Variants in VSTM4 observed in about 807,000 individuals in gnomAD.
The protein encoded by VSTM4 is V-set and transmembrane domain-containing protein 4.
Under a neutral mutation model 36.4 loss-of-function variants are expected in VSTM4, and 20 were observed. That is an observed-to-expected ratio of 0.55 (90% CI 0.39 to 0.80). The LOEUF (loss-of-function observed/expected upper bound fraction) is 0.80, where lower values mean the gene tolerates loss of function less well. Among genes scored for constraint, VSTM4 ranks in the 30% least tolerant of loss-of-function variants. VSTM4 has a pLI of 0.00. For synonymous variants in VSTM4, 182 were observed against 173.9 expected, an observed-to-expected ratio of 1.05 and a Z score of -0.37; for missense variants, 392 against 404.5, an observed-to-expected ratio of 0.97 and a Z score of 0.26.
intron 7 of VSTM4, among the ~76,000 whole-genome samples, chr10:49,045,572 G>A (rs1213974358): frequency 6.6e-6 from 1 of 152,164 alleles, no homozygotes; most frequent in Non-Finnish European, 1.5e-5. Flanking sequence ...ACTGTGGTGG[G>A]TTTAACATAT....
intron 2 of VSTM4, among the ~76,000 whole-genome samples, chr10:49,086,247 G>A (rs950993297): frequency 6.6e-6 from 1 of 152,226 alleles, no homozygotes; most frequent in African/African-American, 2.4e-5. Context: ...TAAATGGCAA[G>A]CTCAGGATGC....
intron 7 of VSTM4, among the ~76,000 whole-genome samples, chr10:49,038,728 T>C (rs1173938447): frequency 1.3e-5 from 2 of 152,062 alleles, no homozygotes; most frequent in Non-Finnish European, 2.9e-5. Flanking sequence ...GGATTTGAGG[T>C]GCCTGTGGGC....
rs572173027 is a variant in VSTM4 at position 49,025,222 on chromosome 10, T to C, written c.838-5447A>G. ...CCCTGACTATGTGACTGTGGTGTTT[T>C]GTTATGGCAGCCCTAGCAAATGAAT... is the stretch of plus-strand genomic sequence containing the variant. On this transcript the variant is annotated intron_variant, in intron 7 of 7. Coordinates refer to ENST00000332853, the MANE Select transcript of VSTM4 (RefSeq NM_001031746.5). 1.6e-4 allele frequency among the ~76,000 whole-genome samples: 25 copies of C among 152,272 alleles called. 1 individual carries two copies. The East Asian group carries it at 4.8e-3, about 29-fold the overall frequency.
At chr10:49,091,528 GA>G (rs748512743) in intron 2 of VSTM4, among the ~76,000 whole-genome samples, 35 of 152,200 alleles carry the variant, frequency 2.3e-4, no homozygotes, top group Non-Finnish European at 4.6e-4. Context: ...GACCTGGGGG[GA>G]AACCATCACT....
chr10:49,113,256 A>G (rs1217318712), intron 1 of VSTM4, among the ~76,000 whole-genome samples: 1 of 152,262 alleles, frequency 6.6e-6, no homozygotes, highest in Non-Finnish European at 1.5e-5. Context: ...TAGTTATATT[A>G]CTTAACAGTC....
At chr10:49,052,610 A>G (rs753871896) in intron 5 of VSTM4, among the ~76,000 whole-genome samples, 1 of 151,900 alleles carries the variant, frequency 6.6e-6, no homozygotes, top group Non-Finnish European at 1.5e-5. Context: ...CAGTTTTTTA[A>G]TTTGTTTTTG....
intron 6 of VSTM4, 147 bp from the exon 7 acceptor site, chr10:49,047,191 T>G: frequency 1.2e-6 from 1 of 824,770 alleles, no homozygotes; most frequent in Non-Finnish European, 2.0e-6. Context: ...TGTCAGCAAG[T>G]GCCCCTCGGC....
At chr10:49,021,661 G>C (rs925190984) in intron 7 of VSTM4, among the ~76,000 whole-genome samples, 1 of 151,718 alleles carries the variant, frequency 6.6e-6, no homozygotes, top group African/African-American at 2.4e-5. Context: ...GTCACACTTA[G>C]ACATCATTTA....
chr10:49,098,931 C>T (rs1327206754), intron 2 of VSTM4, among the ~76,000 whole-genome samples: 2 of 152,216 alleles, frequency 1.3e-5, no homozygotes, highest in East Asian at 3.8e-4. Flanking sequence ...ATTTACCTAG[C>T]GCTGATGGAC....
intron 5 of VSTM4, among the ~76,000 whole-genome samples, chr10:49,054,070 T>C (rs777984271): frequency 2.0e-5 from 3 of 152,170 alleles, no homozygotes; most frequent in Non-Finnish European, 4.4e-5. Flanking sequence ...CCCTCCTTGT[T>C]GCAAAAATGG....
rs370616319 is a variant in VSTM4 at position 49,107,909 on chromosome 10, C to T, written c.142G>A (p.Val48Ile). The T allele has an allele frequency of 1.2e-5, 19 of 1,613,828 alleles. No individual in the cohort carries two copies. In the Admixed American group the frequency reaches 1.5e-4, roughly 13 times the overall value. ...EGENATLLCH[V>I]SQKRRKDSLL... Reference sequence around the variant, plus strand: ...CTGTCCTTCCGCCTTTTCTGGGAGACGTGGCAGAGGAGAGTGGCATTCTCC... The same window carrying T: ...CTGTCCTTCCGCCTTTTCTGGGAGATGTGGCAGAGGAGAGTGGCATTCTCC... Residue 48 changes from valine to isoleucine, a missense_variant, in exon 2 of 8, where the codon GTC becomes ATC. By Grantham distance (29) the Val-to-Ile change is conservative. Transcript: ENST00000332853.
At chr10:49,021,850 T>C (rs1843186241) in intron 7 of VSTM4, among the ~76,000 whole-genome samples, 1 of 152,176 alleles carries the variant, frequency 6.6e-6, no homozygotes. Context: ...TCTTTAAGAA[T>C]GAGGGAGGAG....
At chr10:49,067,722 G>C (rs1195147760) in intron 4 of VSTM4, among the ~76,000 whole-genome samples, 1 of 152,170 alleles carries the variant, frequency 6.6e-6, no homozygotes, top group East Asian at 1.9e-4. Flanking sequence ...TGTTGTTAAA[G>C]CCATGCAGTA....
rs954173386 is a variant in VSTM4 at position 49,106,289 on chromosome 10, C to T, written c.457+1305G>A. On this transcript the variant is annotated intron_variant, in intron 2 of 7. Coordinates refer to ENST00000332853, the MANE Select transcript of VSTM4 (RefSeq NM_001031746.5). ...TATATGTGTACAATAAAATTAGACC[C>T]TTTTTTGTATTTGAGACTATCAGCT... is the stretch of plus-strand genomic sequence containing the variant. Among the ~76,000 whole-genome samples, 26 of 152,156 alleles carry T rather than the reference C, an allele frequency of 1.7e-4. 1 individual carries two copies. Among genetic ancestry groups the T allele is most frequent in the Admixed American group, 1.7e-3 (26 of 15,278 alleles).
chr10:49,060,584 T>C (rs994874208), intron 5 of VSTM4, among the ~76,000 whole-genome samples: 2 of 152,242 alleles, frequency 1.3e-5, no homozygotes, highest in African/African-American at 4.8e-5. Flanking sequence ...GAGAGGTCTT[T>C]ATATATTTTA....
chr10:49,048,155 T>A (rs180972710), intron 6 of VSTM4, among the ~76,000 whole-genome samples: 56 of 152,298 alleles, frequency 3.7e-4, no homozygotes, highest in African/African-American at 1.3e-3. Flanking sequence ...CCCCACCTCA[T>A]GTGTGGCATG....
chr10:49,058,702 G>A (rs1843824339), intron 5 of VSTM4, among the ~76,000 whole-genome samples: 1 of 152,160 alleles, frequency 6.6e-6, no homozygotes, highest in Non-Finnish European at 1.5e-5. Context: ...GAATTCCCTT[G>A]AGTCTCCAGG....
chr10:49,091,625 G>A (rs1696507110), intron 2 of VSTM4, among the ~76,000 whole-genome samples: 2 of 152,162 alleles, frequency 1.3e-5, no homozygotes, highest in Non-Finnish European at 2.9e-5. Context: ...TGTTTCACAG[G>A]TGAGTTCACA....
chr10:49,103,921 G>C (rs180754566), intron 2 of VSTM4: 8 of 1,439,408 alleles, frequency 5.6e-6, no homozygotes, highest in South Asian at 1.3e-5. Context: ...GGCCTGGGGT[G>C]GGGGGCACTC....
Sources: gnomAD v4.1 joint callset for allele counts (sites outside exome capture counted in the v4.1 genomes callset) on GRCh38, gnomAD v4.1.1 for gene constraint, MANE v1.5 for transcripts, NCBI Gene and HGNC (gene_info 2026-07-23, HGNC 2026-07-21) for gene names.